The following SLMAP variants were observed in gnomAD, a reference collection of about 807,000 sequenced individuals.
SLMAP encodes the protein sarcolemmal membrane-associated protein.
Under a neutral mutation model 128.8 loss-of-function variants are expected in SLMAP, and 44 were observed. The ratio of observed to expected loss-of-function variants is 0.34; its 90% CI spans 0.27 to 0.44. SLMAP has a LOEUF of 0.44. Among genes scored for constraint, SLMAP ranks in the 20% least tolerant of loss-of-function variants. The probability of loss-of-function intolerance (pLI) is 1.00; values close to 1 mark genes in which losing one functional copy is unlikely to be tolerated. For missense variants in SLMAP, 787 were observed against 985.3 expected (o/e 0.80, Z 2.69); for synonymous variants, 327 against 348.8 (o/e 0.94, Z 0.70).
chr3:57,814,550 A>G (rs1255972506), intron 2 of SLMAP, among the ~76,000 whole-genome samples: 1 of 152,130 alleles, frequency 6.6e-6, no homozygotes, highest in Non-Finnish European at 1.5e-5. Flanking sequence ...GCTAAATACT[A>G]TTTAGCTTAA....
At chr3:57,770,935 C>T (rs576893252) in intron 2 of SLMAP, among the ~76,000 whole-genome samples, 3 of 152,116 alleles carry the variant, frequency 2.0e-5, no homozygotes, top group Non-Finnish European at 2.9e-5. Flanking sequence ...ATTATACTTA[C>T]ACTTACCAGT....
chr3:57,832,568 A>G (rs1474597382), intron 3 of SLMAP, among the ~76,000 whole-genome samples: 1 of 152,194 alleles, frequency 6.6e-6, no homozygotes, highest in Non-Finnish European at 1.5e-5. Context: ...TTAGTTTAAT[A>G]TGGATAGTGC....
chr3:57,881,828 A>G (rs1050010504), intron 14 of SLMAP, among the ~76,000 whole-genome samples: 23 of 152,150 alleles, frequency 1.5e-4, no homozygotes, highest in African/African-American at 2.7e-4. Flanking sequence ...AATAATTTCA[A>G]TGGTGATAAT....
At chr3:57,886,505 G>C (rs1327919532) in intron 14 of SLMAP, among the ~76,000 whole-genome samples, 1 of 150,860 alleles carries the variant, frequency 6.6e-6, no homozygotes, top group Non-Finnish European at 1.5e-5. Flanking sequence ...TATGATACCA[G>C]ATTTTTAAAA....
At chr3:57,793,525 T>C (rs1038796773) in intron 2 of SLMAP, among the ~76,000 whole-genome samples, 2 of 152,194 alleles carry the variant, frequency 1.3e-5, no homozygotes, top group Non-Finnish European at 2.9e-5. Context: ...CCTCAGCCTA[T>C]TTAGAACAAA....
intron 2 of SLMAP, among the ~76,000 whole-genome samples, chr3:57,781,950 T>G (rs951157938): frequency 1.3e-5 from 2 of 152,150 alleles, no homozygotes; most frequent in African/African-American, 4.8e-5. Flanking sequence ...GCCAGGCTGG[T>G]CTCGAATTCC....
At chr3:57,909,010 T>C in intron 18 of SLMAP, 66 bp from the exon 19 acceptor site, 2 of 1,113,324 alleles carry the variant, frequency 1.8e-6, no homozygotes, top group Middle Eastern at 2.3e-4. Flanking sequence ...AATTTTCAGC[T>C]GCTCAACTCT....
At chr3:57,805,033 T>C (rs553169046) in intron 2 of SLMAP, among the ~76,000 whole-genome samples, 1 of 152,344 alleles carries the variant, frequency 6.6e-6, no homozygotes, top group East Asian at 1.9e-4. Context: ...TTGTGATCTC[T>C]GTTGGCTTTT....
rs188539681 is a variant in SLMAP, at chr3:57,823,990, A to G, written c.199-7393A>G. Among the ~76,000 whole-genome samples, 395 of 152,190 alleles carry G rather than the reference A, an allele frequency of 2.6e-3. 1 individual carries two copies. Among genetic ancestry groups the G allele is most frequent in the African/African-American group, 9.1e-3 (376 of 41,532 alleles). ...GGCCAGTGATGATGAGCATTTTTTC[A>G]TGTGTCTTTTGGCTGCATTAAAAAA... On this transcript the variant is annotated intron_variant, in intron 2 of 24. Coordinates refer to ENST00000671191, the MANE Select transcript of SLMAP (RefSeq NM_001377540.1).
At chr3:57,762,721 T>TG (rs2078933568) in intron 2 of SLMAP, among the ~76,000 whole-genome samples, 1 of 147,124 alleles carries the variant, frequency 6.8e-6, no homozygotes, top group African/African-American at 2.5e-5. Flanking sequence ...TTTTTTTTTT[T>TG]TTTTTTTTTT....
chr3:57,877,894 G>A (rs2095642428), intron 14 of SLMAP, among the ~76,000 whole-genome samples: 2 of 147,876 alleles, frequency 1.4e-5, no homozygotes, highest in African/African-American at 2.5e-5. Flanking sequence ...GAGTGCAATG[G>A]CGTGATCTCG....
chr3:57,817,459 T>C (rs1431555431), intron 2 of SLMAP, among the ~76,000 whole-genome samples: 1 of 152,226 alleles, frequency 6.6e-6, no homozygotes, highest in East Asian at 1.9e-4. Context: ...GTCTAGGTTG[T>C]AGATGTTACA....
At chr3:57,789,505 A>G (rs2153473342) in intron 2 of SLMAP, among the ~76,000 whole-genome samples, 1 of 152,290 alleles carries the variant, frequency 6.6e-6, no homozygotes, top group Non-Finnish European at 1.5e-5. Flanking sequence ...CTGATCATAC[A>G]TCAAGGATGA....
intron 2 of SLMAP, among the ~76,000 whole-genome samples, chr3:57,758,902 T>A (rs1405918510): frequency 1.3e-5 from 2 of 152,222 alleles, no homozygotes; most frequent in East Asian, 3.8e-4. Flanking sequence ...TGTCTCAGGT[T>A]TCACCTCCTG....
chr3:57,787,872 C>T (rs2084581341), intron 2 of SLMAP, among the ~76,000 whole-genome samples: 2 of 152,190 alleles, frequency 1.3e-5, no homozygotes, highest in African/African-American at 4.8e-5. Context: ...AGGGATTCTA[C>T]ATAAGTGGAC....
chr3:57,832,263 A>G (rs1199444075), intron 3 of SLMAP, among the ~76,000 whole-genome samples: 2 of 152,214 alleles, frequency 1.3e-5, no homozygotes, highest in Non-Finnish European at 1.5e-5. Flanking sequence ...TTATTCCTTC[A>G]GGTTGTGTGT....
At chr3:57,759,972 G>A (rs534197419) in intron 2 of SLMAP, among the ~76,000 whole-genome samples, 70 of 151,984 alleles carry the variant, frequency 4.6e-4, no homozygotes, top group African/African-American at 1.6e-3. Flanking sequence ...ATGGAGTCTC[G>A]CTCTGTGGCC....
intron 2 of SLMAP, among the ~76,000 whole-genome samples, chr3:57,792,674 G>A (rs1296392264): frequency 6.6e-6 from 1 of 151,986 alleles, no homozygotes; most frequent in Non-Finnish European, 1.5e-5. Context: ...TAACTCTTTA[G>A]AAATGTATGG....
intron 2 of SLMAP, among the ~76,000 whole-genome samples, chr3:57,783,731 A>G (rs1473671432): frequency 6.6e-6 from 1 of 152,184 alleles, no homozygotes; most frequent in Non-Finnish European, 1.5e-5. Context: ...CTTATCATCA[A>G]GAAAATGGGA....
Sources: allele counts gnomAD v4.1 joint callset (sites outside exome capture counted in the v4.1 genomes callset), GRCh38; gene constraint gnomAD v4.1.1; transcripts MANE v1.5; gene names NCBI Gene and HGNC (gene_info 2026-07-23, HGNC 2026-07-21).